Variants in AUTS2 observed in about 807,000 individuals in gnomAD.
The protein encoded by AUTS2 is autism susceptibility gene 2 protein.
Under a neutral mutation model 112.4 loss-of-function variants are expected in AUTS2, and 17 were observed. The ratio of observed to expected loss-of-function variants is 0.15; its 90% CI spans 0.10 to 0.23. The LOEUF (loss-of-function observed/expected upper bound fraction) is 0.23. AUTS2 is among the 10% of genes least tolerant of loss of function. The pLI, the probability that AUTS2 is intolerant of heterozygous loss-of-function variation, is 1.00. For missense variants in AUTS2, 1,510 were observed against 1,701.6 expected, an observed-to-expected ratio of 0.89 and a Z score of 1.98; for synonymous variants, 751 against 702.7, an observed-to-expected ratio of 1.07 and a Z score of -1.09.
intron 2 of AUTS2, among the ~76,000 whole-genome samples, chr7:69,901,076 G>C (rs1002769907): frequency 6.6e-6 from 1 of 152,214 alleles, no homozygotes; most frequent in African/African-American, 2.4e-5. Flanking sequence ...CTCTAGTTCC[G>C]TGGTTTGTTC....
At position 69,670,555 on chromosome 7, in the gene AUTS2, C is replaced by CA. The variant is rs200373158; in HGVS notation, c.309+70629dup. Reference sequence around the variant, plus strand: ...CATGGTTGTTTTTTACTTGATCCCTCAAAAAAAAAAAAAAAAAAAAAAAAA... The same window carrying CA: ...CATGGTTGTTTTTTACTTGATCCCTCAAAAAAAAAAAAAAAAAAAAAAAAAA... On this transcript the variant is annotated intron_variant, in intron 1 of 18. Coordinates refer to ENST00000342771, the MANE Select transcript of AUTS2 (RefSeq NM_015570.4). 1.4e-3 allele frequency among the ~76,000 whole-genome samples: 161 copies of CA among 119,038 alleles called. 11 individuals carry two copies. The highest frequency in any genetic ancestry group is 4.2e-3 in the Middle Eastern group (1 of 238). The allele number at this position is 119,038 out of a possible 152,430, so 78.1% of individuals were successfully genotyped here.
intron 4 of AUTS2, among the ~76,000 whole-genome samples, chr7:70,247,309 A>G (rs1400422093): frequency 6.6e-6 from 1 of 152,132 alleles, no homozygotes; most frequent in African/African-American, 2.4e-5. Context: ...AGTGCCTACC[A>G]CTGTCAAAGT....
At chr7:70,677,999 G>T (rs1211718317) in intron 5 of AUTS2, among the ~76,000 whole-genome samples, 1 of 151,994 alleles carries the variant, frequency 6.6e-6, no homozygotes, top group Non-Finnish European at 1.5e-5. Context: ...GGAGAATGGC[G>T]TGAACCCGGG....
rs58320845 is a variant in AUTS2, at chr7:70,070,408, TAAAAAAAA to T, written c.523-47710_523-47703del. On this transcript the variant is annotated intron_variant, in intron 2 of 18. Coordinates refer to ENST00000342771, the MANE Select transcript of AUTS2 (RefSeq NM_015570.4). ...GCCAACATGGCAAAACCCCGTCTCT[TAAAAAAAA>T]AAAAAAAAAAAAATTAGCCAGGTGT... Among the ~76,000 whole-genome samples, 85 of 128,424 alleles carry T rather than the reference TAAAAAAAA, an allele frequency of 6.6e-4. 1 individual carries two copies. Among genetic ancestry groups the T allele is most frequent in the Middle Eastern group, 4.1e-3 (1 of 242 alleles). The allele number at this position is 128,424 out of a possible 152,430, so 84.3% of individuals were successfully genotyped here.
In AUTS2 at chr7:70,004,333, A is replaced by G. The variant is rs187710843; in HGVS notation, c.522+104835A>G. Among the ~76,000 whole-genome samples the G allele has an allele frequency of 4.9e-3, 622 of 127,840 alleles. 12 individuals are homozygous for G. Among genetic ancestry groups the G allele is most frequent in the African/African-American group, 0.017 (580 of 35,012 alleles). The allele number at this position is 127,840 out of a possible 152,430, so 83.9% of individuals were successfully genotyped here. A position where few individuals can be genotyped will look rare whatever the true frequency, so the allele number is the denominator to read the frequency against. On this transcript the variant is annotated intron_variant, in intron 2 of 18. Coordinates refer to ENST00000342771, the MANE Select transcript of AUTS2 (RefSeq NM_015570.4). ...TATATATTATATATATAATATATAT[A>G]TGAATATATATTCATATATATATTA... is the stretch of plus-strand genomic sequence containing the variant.
intron 1 of AUTS2, among the ~76,000 whole-genome samples, chr7:69,604,591 T>C (rs1792612660): frequency 6.6e-6 from 1 of 152,060 alleles, no homozygotes; most frequent in Non-Finnish European, 1.5e-5. Context: ...GTGAAGTGAT[T>C]TGGATATATG....
chr7:70,161,121 G>A (rs1348411033), intron 4 of AUTS2, among the ~76,000 whole-genome samples: 3 of 152,100 alleles, frequency 2.0e-5, no homozygotes, highest in Non-Finnish European at 4.4e-5. Flanking sequence ...ACAAAGTCCT[G>A]TTTTTGAGTT....
At chr7:70,158,647 G>C (rs1807911981) in intron 4 of AUTS2, among the ~76,000 whole-genome samples, 2 of 152,202 alleles carry the variant, frequency 1.3e-5, no homozygotes, top group African/African-American at 4.8e-5. Flanking sequence ...CAAAGAAAGA[G>C]ATCCTGTGGG....
At chr7:70,009,639 A>T (rs1457586372) in intron 2 of AUTS2, among the ~76,000 whole-genome samples, 1 of 152,198 alleles carries the variant, frequency 6.6e-6, no homozygotes, top group South Asian at 2.1e-4. Context: ...AATAAAAATG[A>T]TGTTTCCTTA....
At chr7:70,273,198 A>G (rs1787774027) in intron 4 of AUTS2, among the ~76,000 whole-genome samples, 1 of 152,056 alleles carries the variant, frequency 6.6e-6, no homozygotes, top group African/African-American at 2.4e-5. Flanking sequence ...TGCCTGCCAC[A>G]ACACCTGGCT....
rs570092105 is a variant in AUTS2, at chr7:69,981,358, G to A, written c.522+81860G>A. The stretch of plus-strand genomic sequence containing the variant: ...AAGATTTGTGGTTTGCCTGATTTTA[G>A]ATCAGTTAACATTCACCCATGAGAA... On this transcript the variant is annotated intron_variant, in intron 2 of 18. Coordinates refer to ENST00000342771, the MANE Select transcript of AUTS2 (RefSeq NM_015570.4). 2.6e-5 allele frequency among the ~76,000 whole-genome samples: 4 copies of A among 152,282 alleles called. No homozygotes were observed. In the South Asian group the frequency reaches 8.3e-4, roughly 32 times the overall value.
At chr7:69,810,263 G>T (rs1179140018) in intron 1 of AUTS2, among the ~76,000 whole-genome samples, 1 of 152,132 alleles carries the variant, frequency 6.6e-6, no homozygotes, top group Non-Finnish European at 1.5e-5. Context: ...CTTAATAATT[G>T]TAGAGTCTTG....
At chr7:70,765,214 AGACACT>A (rs1789861123) in intron 8 of AUTS2, among the ~76,000 whole-genome samples, 1 of 152,172 alleles carries the variant, frequency 6.6e-6, no homozygotes, top group Admixed American at 6.5e-5. Context: ...CCTGTGAATC[AGACACT>A]GCCCGAAGAG....
chr7:70,424,680 G>A (rs1048176031), intron 4 of AUTS2, among the ~76,000 whole-genome samples: 4 of 152,052 alleles, frequency 2.6e-5, no homozygotes, highest in African/African-American at 4.8e-5. Context: ...TTGACCTTCC[G>A]GGCTCAAGCA....
In AUTS2 at chr7:70,787,304, T is replaced by C. The variant is rs781425098; in HGVS notation, c.2404T>C (p.Ser802Pro). 1 of 1,614,166 alleles carries C rather than the reference T, an allele frequency of 6.2e-7. No homozygotes were observed. Among genetic ancestry groups the C allele is most frequent in the Non-Finnish European group, 8.5e-7 (1 of 1,180,026 alleles). Residue 802 changes from serine (S) to proline (P), a missense_variant, in exon 18 of 19, where the codon TCG becomes CCG. This residue lies in a region of AUTS2 where 788 missense variants were observed against 797.6 expected (regional missense o/e 0.99). Transcript: ENST00000342771. The stretch of plus-strand genomic sequence containing the variant: ...GAACCGGCTGCACCGAACGCCTCCG[T>C]CGTTCCCGACCCCTCCGCCCTGGCT... Reference protein sequence around the residue: ...PWNRLHRTPPSFPTPPPWLKP... With the variant: ...PWNRLHRTPPPFPTPPPWLKP...
At chr7:70,587,878 G>A (rs1323323542) in intron 5 of AUTS2, among the ~76,000 whole-genome samples, 1 of 152,208 alleles carries the variant, frequency 6.6e-6, no homozygotes, top group African/African-American at 2.4e-5. Context: ...TTCAGACATT[G>A]AAACTTGCTC....
At chr7:70,477,489 C>T (rs1472724596) in intron 5 of AUTS2, among the ~76,000 whole-genome samples, 1 of 152,092 alleles carries the variant, frequency 6.6e-6, no homozygotes, top group African/African-American at 2.4e-5. Context: ...GGTTAAACTC[C>T]CTAGAAGCTG....
intron 5 of AUTS2, among the ~76,000 whole-genome samples, chr7:70,608,725 TACTGCTCA>T (rs1206846736): frequency 2.0e-5 from 3 of 152,088 alleles, no homozygotes; most frequent in African/African-American, 7.3e-5. Context: ...TCCCCTGGTG[TACTGCTCA>T]GTGGGAAAGT....
intron 5 of AUTS2, among the ~76,000 whole-genome samples, chr7:70,449,307 C>G (rs796953058): frequency 6.6e-6 from 1 of 152,344 alleles, no homozygotes; most frequent in African/African-American, 2.4e-5. Flanking sequence ...GAGAGACTGT[C>G]TCTCCTTTTC....
Sources: gnomAD v4.1 joint callset for allele counts (sites outside exome capture counted in the v4.1 genomes callset) on GRCh38, gnomAD v4.1.1 for gene constraint, gnomAD v4.1.1 regional missense constraint, MANE v1.5 for transcripts, NCBI Gene and HGNC (gene_info 2026-07-23, HGNC 2026-07-21) for gene names.